Variants in GALNT18 observed in about 807,000 individuals in gnomAD.
GALNT18 encodes polypeptide N-acetylgalactosaminyltransferase 18, also known as GalNAc-transferase 18.
A neutral mutation model predicts 69.5 loss-of-function variants in GALNT18; 44 were observed. That is an observed-to-expected ratio of 0.63 (90% CI 0.50 to 0.81). GALNT18 has a LOEUF of 0.81. GALNT18 is among the 40% of genes least tolerant of loss of function. GALNT18 has a pLI of 0.00. For synonymous variants in GALNT18, 364 were observed against 318.2 expected, an observed-to-expected ratio of 1.14 and a Z score of -1.53; for missense variants, 715 against 810.0, an observed-to-expected ratio of 0.88 and a Z score of 1.42.
chr11:11,573,747 T>A lies in GALNT18; in HGVS notation c.235+47612A>T, dbSNP rs1479064460. Reference sequence around the variant, plus strand: ...TCCTATCTCCTATATTGTATCCTCATCATGGTCTCAATAAACCCACTTGGA... The same window carrying A: ...TCCTATCTCCTATATTGTATCCTCAACATGGTCTCAATAAACCCACTTGGA... On this transcript the variant is annotated intron_variant, in intron 1 of 10. Coordinates refer to ENST00000227756, the MANE Select transcript of GALNT18 (RefSeq NM_198516.3). The surrounding 1 kb of genome is among the most constrained non-coding windows in gnomAD (Gnocchi z 4.6). 2 of 152,200 alleles carry A rather than the reference T, an allele frequency of 1.3e-5. No individual in the cohort carries two copies. Among genetic ancestry groups the A allele is most frequent in the Admixed American group, 1.3e-4 (2 of 15,288 alleles). 9.4% of individuals were successfully genotyped at this position (152,200 alleles called of 1,614,324 possible).
intron 1 of GALNT18, among the ~76,000 whole-genome samples, chr11:11,493,196 G>A (rs1856806676): frequency 6.6e-6 from 1 of 150,652 alleles, no homozygotes; most frequent in African/African-American, 2.5e-5. Context: ...GGGAGGCGGA[G>A]GTTGAAGTGA....
chr11:11,392,989 C>G (rs942460022), intron 3 of GALNT18, among the ~76,000 whole-genome samples: 4 of 152,190 alleles, frequency 2.6e-5, no homozygotes, highest in Non-Finnish European at 5.9e-5. Flanking sequence ...TTCTTAGAAC[C>G]TCTGCATGCT....
intron 3 of GALNT18, among the ~76,000 whole-genome samples, chr11:11,410,161 C>G (rs1039065562): frequency 6.6e-6 from 1 of 152,194 alleles, no homozygotes; most frequent in African/African-American, 2.4e-5. Flanking sequence ...GTCAAGGACT[C>G]CCTGTGCTGG....
chr11:11,271,313 G>C, intron 10 of GALNT18, 23 bp from the exon 11 acceptor site: 1 of 1,607,496 alleles, frequency 6.2e-7, no homozygotes, highest in African/African-American at 1.3e-5. Flanking sequence ...GCAGACAGTG[G>C]GGTCAGAGGG....
intron 1 of GALNT18, among the ~76,000 whole-genome samples, chr11:11,513,279 A>G (rs993129643): frequency 2.6e-5 from 4 of 152,256 alleles, no homozygotes; most frequent in African/African-American, 9.6e-5. Context: ...GCTGGCAGCA[A>G]CAGATACGAG....
intron 3 of GALNT18, among the ~76,000 whole-genome samples, chr11:11,420,952 T>G (rs1854991521): frequency 6.6e-6 from 1 of 152,104 alleles, no homozygotes; most frequent in African/African-American, 2.4e-5. Context: ...CCAGCTTCAT[T>G]TATCAAAAAC....
At chr11:11,290,848 C>T (rs1849284535) in intron 10 of GALNT18, among the ~76,000 whole-genome samples, 2 of 152,164 alleles carry the variant, frequency 1.3e-5, no homozygotes, top group South Asian at 4.1e-4. Context: ...CCTCCATAGA[C>T]TCTGAAGACA....
Position 11,421,278 on chromosome 11 carries a change from G to C in GALNT18, c.595+11343C>G, listed in dbSNP as rs775158847. On this transcript the variant is annotated intron_variant, in intron 3 of 10. Coordinates refer to ENST00000227756, the MANE Select transcript of GALNT18 (RefSeq NM_198516.3). The surrounding 1 kb of genome is among the most constrained non-coding windows in gnomAD (Gnocchi z 5.6). ...GCTGGCAACATGCAGGACTAGAGCT[G>C]GAGAAATGGATTGAGCCCTGGGGCT... 6.6e-6 allele frequency among the ~76,000 whole-genome samples: 1 copy of C among 152,180 alleles called. No homozygotes were observed.
intron 1 of GALNT18, chr11:11,475,980 C>G (rs1856387151): frequency 6.6e-6 from 1 of 152,120 alleles, no homozygotes; most frequent in Non-Finnish European, 1.5e-5. Context: ...ATCCCATTCT[C>G]TAAGCTCAAA....
chr11:11,469,212 T>C lies in GALNT18; in HGVS notation c.236-20276A>G, dbSNP rs551716387. 8.5e-5 allele frequency among the ~76,000 whole-genome samples: 13 copies of C among 152,338 alleles called. No homozygotes were observed. The highest frequency in any genetic ancestry group is 3.1e-4 in the African/African-American group (13 of 41,578). On this transcript the variant is annotated intron_variant, in intron 1 of 10. Coordinates refer to ENST00000227756, the MANE Select transcript of GALNT18 (RefSeq NM_198516.3). This position sits in a 1 kb window ranked among gnomAD's most constrained non-coding sequence, Gnocchi z 4.2. The stretch of plus-strand genomic sequence containing the variant: ...AAAGAAGCCCGTCTGCTTTCTTGCC[T>C]CTGTGAATGTCTCAGACAGTGCAGA...
chr11:11,549,841 C>T (rs1233027282), intron 1 of GALNT18, among the ~76,000 whole-genome samples: 1 of 152,222 alleles, frequency 6.6e-6, no homozygotes, highest in Non-Finnish European at 1.5e-5. Context: ...TTGCTCCCTT[C>T]CTTATTCAGC....
In GALNT18 at chr11:11,496,321, C is replaced by T. The variant is rs1335569733; in HGVS notation, c.236-47385G>A. Among the ~76,000 whole-genome samples, 2 of 152,136 alleles carry T rather than the reference C, an allele frequency of 1.3e-5. No individual in the cohort carries two copies. The highest frequency in any genetic ancestry group is 2.9e-5 in the Non-Finnish European group (2 of 68,020). ...CACCTATCACCAAAAACCCTAGCAT[C>T]AGCAACACTCCACATGCTGCCATAC... is the stretch of plus-strand genomic sequence containing the variant. On this transcript the variant is annotated intron_variant, in intron 1 of 10. Transcript: ENST00000227756. The surrounding 1 kb of genome is among the most constrained non-coding windows in gnomAD (Gnocchi z 4.0).
At chr11:11,379,534 T>C (rs1853860036) in intron 3 of GALNT18, among the ~76,000 whole-genome samples, 1 of 152,246 alleles carries the variant, frequency 6.6e-6, no homozygotes, top group Non-Finnish European at 1.5e-5. Flanking sequence ...CTATTTAATC[T>C]TCACAACAAG....
rs1453449568 is a variant in GALNT18, at chr11:11,430,404, T to C, written c.595+2217A>G. ...CCACAGAGCTTGTTCGGATCTCTCC[T>C]TACATAGGCAGGCACTGGTTTGGGT... On this transcript the variant is annotated intron_variant, in intron 3 of 10. Transcript: ENST00000227756. This position sits in a 1 kb window ranked among gnomAD's most constrained non-coding sequence, Gnocchi z 4.9. Among the ~76,000 whole-genome samples, 1 of 152,192 alleles carries C rather than the reference T, an allele frequency of 6.6e-6. No homozygotes were observed. Among genetic ancestry groups the C allele is most frequent in the Non-Finnish European group, 1.5e-5 (1 of 68,036 alleles).
intron 6 of GALNT18, among the ~76,000 whole-genome samples, chr11:11,366,882 A>T (rs1287932538): frequency 6.6e-6 from 1 of 152,182 alleles, no homozygotes; most frequent in East Asian, 1.9e-4. Flanking sequence ...TGAGGAAAAA[A>T]CCTAGGAGAG....
chr11:11,353,258 C>T (rs1453606037), intron 6 of GALNT18: 14 of 1,027,236 alleles, frequency 1.4e-5, no homozygotes, highest in Admixed American at 2.3e-5. Context: ...CGGCTGTGGC[C>T]GCTCTCCCTT....
intron 10 of GALNT18, among the ~76,000 whole-genome samples, chr11:11,274,607 T>C (rs886939134): frequency 1.3e-5 from 2 of 152,192 alleles, no homozygotes; most frequent in African/African-American, 4.8e-5. Context: ...ATGTGCAGTT[T>C]TGTTACATAG....
intron 2 of GALNT18, 28 bp downstream of exon 2, chr11:11,448,716 C>T (rs563036553): frequency 1.2e-5 from 19 of 1,588,032 alleles, no homozygotes; most frequent in African/African-American, 4.0e-5. Flanking sequence ...GGCAGGTCGA[C>T]AAGGGCCCAG....
rs1233825036 is a variant in GALNT18, at chr11:11,600,439, T to C, written c.235+20920A>G. ...TGTAATGATTCTTGGTTAACTTTTT[T>C]TTCTTTCAGCACTTTGAATATATCA... On this transcript the variant is annotated intron_variant, in intron 1 of 10. Transcript: ENST00000227756. This position sits in a 1 kb window ranked among gnomAD's most constrained non-coding sequence, Gnocchi z 4.8. Among the ~76,000 whole-genome samples, 2 of 152,156 alleles carry C rather than the reference T, an allele frequency of 1.3e-5. No individual in the cohort carries two copies. The highest frequency in any genetic ancestry group is 4.8e-5 in the African/African-American group (2 of 41,456).
Sources: allele counts gnomAD v4.1 joint callset (sites outside exome capture counted in the v4.1 genomes callset), GRCh38; gene constraint gnomAD v4.1.1; non-coding constraint Gnocchi (gnomAD v3.1); transcripts MANE v1.5; gene names NCBI Gene and HGNC (gene_info 2026-07-23, HGNC 2026-07-21).